INPP5B: variants seen among roughly 807,000 people sequenced by gnomAD.
INPP5B encodes the protein type II inositol 1,4,5-trisphosphate 5-phosphatase.
Under a neutral mutation model 118.5 loss-of-function variants are expected in INPP5B, and 90 were observed. That is an observed-to-expected ratio of 0.76 (90% CI 0.64 to 0.90). The LOEUF (loss-of-function observed/expected upper bound fraction) is 0.90. Among genes scored for constraint, INPP5B ranks in the 40% least tolerant of loss-of-function variants. The probability of loss-of-function intolerance (pLI) is 0.00; values close to 1 mark genes in which losing one functional copy is unlikely to be tolerated. For missense variants in INPP5B, 984 were observed against 1,125.6 expected, an observed-to-expected ratio of 0.87 and a Z score of 1.80; for synonymous variants, 385 against 418.9, an observed-to-expected ratio of 0.92 and a Z score of 0.99.
At chr1:37,885,871 T>C (rs1302218694) in intron 12 of INPP5B, 46 bp from the exon 13 acceptor site, 2 of 1,575,610 alleles carry the variant, frequency 1.3e-6, no homozygotes, top group East Asian at 4.5e-5. Context: ...CTTAATTGTG[T>C]CAGTCACTTA....
chr1:37,888,310 A>G lies in INPP5B; in HGVS notation c.832T>C (p.Ser278Pro). ...FAGTYNVNGQ[S>P]PKECLRLWLS... ...CACAGCCGGAGGCATTCTTTGGGGG[A>G]CTGCCCATTTACATTGTATGTTCCC... Residue 278 changes from serine (S) to proline (P), a missense_variant, in exon 10 of 24, where the codon TCC becomes CCC. Around this residue, in one of 2 missense-constraint regions of INPP5B, gnomAD observed 634 missense variants for 791.0 expected, o/e 0.80. Transcript: ENST00000373024. The G allele has an allele frequency of 6.4e-7, 1 of 1,572,462 alleles. No homozygotes were observed. The highest frequency in any genetic ancestry group is 1.9e-5 in the Admixed American group (1 of 53,144).
chr1:37,946,961 A>T (rs58035521), intron 1 of INPP5B, 29 bp downstream of exon 1: 2 of 152,178 alleles, frequency 1.3e-5, no homozygotes, highest in African/African-American at 4.8e-5. Context: ...CTCTGCTCCC[A>T]CCCACAGCTC....
chr1:37,887,735 C>T (rs1036481447), intron 10 of INPP5B, among the ~76,000 whole-genome samples: 1 of 152,148 alleles, frequency 6.6e-6, no homozygotes, highest in Admixed American at 6.5e-5. Context: ...TTCACACAAG[C>T]ACCAAGTGGC....
chr1:37,946,587 C>T (rs1646119361), intron 1 of INPP5B, among the ~76,000 whole-genome samples: 1 of 152,154 alleles, frequency 6.6e-6, no homozygotes, highest in Non-Finnish European at 1.5e-5. Flanking sequence ...GGGAGGGCAT[C>T]CAGTTGCTCT....
At chr1:37,931,259 A>G (rs1645445854) in intron 7 of INPP5B, 1 of 408,734 alleles carries the variant, frequency 2.4e-6, no homozygotes. Flanking sequence ...AACACATACC[A>G]TACCTCACCC....
At chr1:37,927,686 A>C (rs1049949436) in intron 7 of INPP5B, among the ~76,000 whole-genome samples, 2 of 151,170 alleles carry the variant, frequency 1.3e-5, no homozygotes, top group African/African-American at 4.9e-5. Flanking sequence ...ACAGGCGCCC[A>C]CCACCATGCC....
chr1:37,883,910 T>G, intron 13 of INPP5B: 2 of 943,620 alleles, frequency 2.1e-6, no homozygotes, highest in Non-Finnish European at 2.5e-6. Flanking sequence ...AGTCTAAAAT[T>G]CTAAGGCTTT....
intron 7 of INPP5B, among the ~76,000 whole-genome samples, chr1:37,926,628 G>T (rs1645240864): frequency 6.6e-6 from 1 of 152,128 alleles, no homozygotes; most frequent in Non-Finnish European, 1.5e-5. Flanking sequence ...AAAACAAAAT[G>T]TATTTGCTAT....
At chr1:37,884,228 A>G (rs1307294506) in intron 13 of INPP5B, 1 of 152,212 alleles carries the variant, frequency 6.6e-6, no homozygotes, top group Non-Finnish European at 1.5e-5. Flanking sequence ...TTTAAAAAAA[A>G]GAAATCTTAA....
intron 23 of INPP5B, among the ~76,000 whole-genome samples, chr1:37,862,957 G>A (rs1641785671): frequency 6.6e-6 from 1 of 152,172 alleles, no homozygotes; most frequent in African/African-American, 2.4e-5. Flanking sequence ...GGGTTGTGGG[G>A]GAGGCAGCCC....
intron 19 of INPP5B, among the ~76,000 whole-genome samples, chr1:37,870,475 G>A (rs375968307): frequency 3.3e-5 from 5 of 152,118 alleles, no homozygotes; most frequent in South Asian, 2.1e-4. Flanking sequence ...AAATATGTAC[G>A]TTGAAACCTA....
At chr1:37,922,911 A>G (rs1034289710) in intron 7 of INPP5B, among the ~76,000 whole-genome samples, 3 of 152,206 alleles carry the variant, frequency 2.0e-5, no homozygotes, top group Non-Finnish European at 4.4e-5. Flanking sequence ...GTTAGTGGTG[A>G]TAGGCCCCTG....
intron 5 of INPP5B, 129 bp downstream of exon 5, chr1:37,943,511 C>G: frequency 1.1e-6 from 1 of 922,824 alleles, no homozygotes; most frequent in South Asian, 1.6e-5. Flanking sequence ...TGGGCTGTGC[C>G]AGATCCTACA....
At chr1:37,901,827 C>G (rs921204000) in intron 7 of INPP5B, among the ~76,000 whole-genome samples, 1 of 152,134 alleles carries the variant, frequency 6.6e-6, no homozygotes, top group Non-Finnish European at 1.5e-5. Flanking sequence ...CCCCCTCTGG[C>G]CACAGCTTCC....
chr1:37,890,347 C>T (rs1178204780), intron 8 of INPP5B, among the ~76,000 whole-genome samples: 1 of 123,234 alleles, frequency 8.1e-6, no homozygotes, highest in Non-Finnish European at 1.7e-5. Context: ...GACTCTGTCT[C>T]AAAAGAAAAA....
chr1:37,935,028 T>A (rs1342223430), intron 6 of INPP5B, among the ~76,000 whole-genome samples: 2 of 150,064 alleles, frequency 1.3e-5, no homozygotes, highest in Non-Finnish European at 3.0e-5. Flanking sequence ...TGAAACCCCG[T>A]CTCTACTAAA....
intron 7 of INPP5B, 171 bp downstream of exon 7, chr1:37,931,742 C>G: frequency 6.3e-7 from 1 of 1,595,302 alleles, no homozygotes; most frequent in South Asian, 1.1e-5. Context: ...AGCTCCTCAT[C>G]CCGCCGCCCG....
At chr1:37,892,686 AT>A (rs1643882152) in intron 7 of INPP5B, among the ~76,000 whole-genome samples, 1 of 152,242 alleles carries the variant, frequency 6.6e-6, no homozygotes, top group African/African-American at 2.4e-5. Flanking sequence ...CATGAAAATA[AT>A]TACACCTCAA....
At chr1:37,893,319 A>C (rs538159271) in intron 7 of INPP5B, among the ~76,000 whole-genome samples, 1 of 152,098 alleles carries the variant, frequency 6.6e-6, no homozygotes, top group South Asian at 2.1e-4. Context: ...TCTTGAGCTC[A>C]AATGATCCTC....
Sources: allele counts gnomAD v4.1 joint callset (sites outside exome capture counted in the v4.1 genomes callset), GRCh38; gene constraint gnomAD v4.1.1; regional missense constraint gnomAD v4.1.1; transcripts MANE v1.5; gene names NCBI Gene and HGNC (gene_info 2026-07-23, HGNC 2026-07-21).